KSR1: variants seen among roughly 807,000 people sequenced by gnomAD.
The protein encoded by KSR1 is kinase suppressor of ras.
Under a neutral mutation model 92.9 loss-of-function variants are expected in KSR1, and 35 were observed. The observed-to-expected ratio is 0.38, with a 90% confidence interval of 0.29 to 0.50. The LOEUF is 0.50. KSR1 is among the 20% of genes least tolerant of loss of function. KSR1 has a pLI of 0.94. For missense variants in KSR1, 972 were observed against 1,158.5 expected (o/e 0.84, Z 2.34); for synonymous variants, 467 against 472.6 (o/e 0.99, Z 0.15).
At chr17:27,569,830 A>T (rs895076278) in intron 2 of KSR1, among the ~76,000 whole-genome samples, 22 of 152,186 alleles carry the variant, frequency 1.4e-4, no homozygotes, top group African/African-American at 5.1e-4. Flanking sequence ...AAGTTTGCCT[A>T]TTCTCACACT....
At chr17:27,464,649 T>C (rs1466881257) in intron 1 of KSR1, among the ~76,000 whole-genome samples, 1 of 150,970 alleles carries the variant, frequency 6.6e-6, no homozygotes, top group Non-Finnish European at 1.5e-5. Context: ...GAGCCTGCAC[T>C]GAGCTGTGAT....
chr17:27,617,420 G>C lies in KSR1; in HGVS notation c.2619G>C (p.Lys873Asn). ...RRLSHPGHFWKSADRWRSRYY... is the reference protein window; with the variant it reads ...RRLSHPGHFWNSADRWRSRYY... Reference sequence around the variant, plus strand: ...TCTCCCACCCTGGACACTTCTGGAAGTCAGCTGAGTAAGTGCCTCTTCCAT... The same window carrying C: ...TCTCCCACCCTGGACACTTCTGGAACTCAGCTGAGTAAGTGCCTCTTCCAT... The change falls in exon 19 of 21, where the codon AAG becomes AAC. Residue 873 changes from lysine to asparagine, a missense_variant. Coordinates refer to ENST00000644974, the MANE Select transcript of KSR1 (RefSeq NM_001394583.1). The C allele has an allele frequency of 1.9e-6, 3 of 1,606,742 alleles. No individual in the cohort carries two copies. The highest frequency in any genetic ancestry group is 2.6e-6 in the Non-Finnish European group (3 of 1,174,320).
intron 1 of KSR1, among the ~76,000 whole-genome samples, chr17:27,505,148 C>A (rs754379798): frequency 1.3e-5 from 2 of 152,196 alleles, no homozygotes; most frequent in Non-Finnish European, 2.9e-5. Context: ...CTGACTATGG[C>A]CACGGGCTAT....
intron 1 of KSR1, among the ~76,000 whole-genome samples, chr17:27,503,516 A>G (rs1254702484): frequency 1.3e-5 from 2 of 152,246 alleles, no homozygotes; most frequent in African/African-American, 4.8e-5. Context: ...TGATCTAAAG[A>G]GAAGACAAAA....
At chr17:27,564,736 A>ACCCCCCCCCCCC (rs34194473) in intron 2 of KSR1, among the ~76,000 whole-genome samples, 3 of 101,384 alleles carry the variant, frequency 3.0e-5, no homozygotes, top group Non-Finnish European at 3.9e-5. Context: ...AAGATGGAAG[A>ACCCCCCCCCCCC]CCCCCCCCCC....
intron 4 of KSR1, among the ~76,000 whole-genome samples, chr17:27,585,174 G>A (rs1364228030): frequency 1.3e-5 from 2 of 152,120 alleles, no homozygotes; most frequent in Non-Finnish European, 2.9e-5. Context: ...TGACCTAGGT[G>A]ATCCACTCGT....
chr17:27,498,187 G>T lies in KSR1; in HGVS notation c.231+41313G>T, dbSNP rs549403605. ...TCTACTGAAAATACAAAATTTAGCC[G>T]AGTGTGGTGGCGGGCGCCTGTGGTC... On this transcript the variant is annotated intron_variant, in intron 1 of 20. Coordinates refer to ENST00000644974, the MANE Select transcript of KSR1 (RefSeq NM_001394583.1). Among the ~76,000 whole-genome samples, 45 of 152,018 alleles carry T rather than the reference G, an allele frequency of 3.0e-4. 2 individuals carry two copies. In the South Asian group the frequency reaches 8.9e-3, roughly 30 times the overall value.
chr17:27,552,274 A>T (rs149615011), intron 2 of KSR1, among the ~76,000 whole-genome samples: 1 of 152,184 alleles, frequency 6.6e-6, no homozygotes, highest in Admixed American at 6.5e-5. Flanking sequence ...GAGCACCATG[A>T]GACACGGCCT....
chr17:27,585,269 T>C (rs1185673675), intron 4 of KSR1, among the ~76,000 whole-genome samples: 1 of 152,134 alleles, frequency 6.6e-6, no homozygotes, highest in African/African-American at 2.4e-5. Flanking sequence ...CTTGCCTGGC[T>C]CTGGGCCAGG....
At chr17:27,486,113 C>G (rs934081213) in intron 1 of KSR1, among the ~76,000 whole-genome samples, 1 of 152,200 alleles carries the variant, frequency 6.6e-6, no homozygotes, top group Non-Finnish European at 1.5e-5. Context: ...TTTCTGGCCT[C>G]CAATACATGA....
chr17:27,525,333 CTG>C (rs2070216838), intron 1 of KSR1, among the ~76,000 whole-genome samples: 1 of 152,226 alleles, frequency 6.6e-6, no homozygotes, highest in Admixed American at 6.5e-5. Flanking sequence ...TGTGCTGTGT[CTG>C]TGCAGAGGAT....
chr17:27,592,279 G>A, intron 7 of KSR1, 82 bp from the exon 8 acceptor site: 1 of 1,071,198 alleles, frequency 9.3e-7, no homozygotes, highest in Non-Finnish European at 1.4e-6. Context: ...ACAGTCCTGA[G>A]TGAATGCTAC....
At chr17:27,528,292 C>T (rs2070394903) in intron 1 of KSR1, among the ~76,000 whole-genome samples, 1 of 152,280 alleles carries the variant, frequency 6.6e-6, no homozygotes, top group South Asian at 2.1e-4. Flanking sequence ...GTCTCAAACT[C>T]CTGACCTCAG....
chr17:27,495,276 A>G (rs1231632210), intron 1 of KSR1, among the ~76,000 whole-genome samples: 1 of 152,134 alleles, frequency 6.6e-6, no homozygotes, highest in Non-Finnish European at 1.5e-5. Flanking sequence ...CTGATCTCGC[A>G]CTTTCCTGGC....
chr17:27,484,021 G>A (rs1221639290), intron 1 of KSR1, among the ~76,000 whole-genome samples: 1 of 152,224 alleles, frequency 6.6e-6, no homozygotes, highest in Non-Finnish European at 1.5e-5. Context: ...TGGAGGGTGG[G>A]GAGCTGGGGA....
chr17:27,488,731 C>T (rs777816969), intron 1 of KSR1, among the ~76,000 whole-genome samples: 22 of 152,098 alleles, frequency 1.4e-4, no homozygotes, highest in African/African-American at 4.8e-4. Flanking sequence ...TTTGGGAGGC[C>T]GAGGCAGGTG....
chr17:27,553,596 G>C (rs2071482872), intron 2 of KSR1, among the ~76,000 whole-genome samples: 1 of 152,196 alleles, frequency 6.6e-6, no homozygotes, highest in Non-Finnish European at 1.5e-5. Flanking sequence ...GGAGGTACCT[G>C]GGCCTGGCAG....
rs538388479 is a variant in KSR1, at chr17:27,512,114, G to A, written c.232-38454G>A. Among the ~76,000 whole-genome samples the A allele has an allele frequency of 5.9e-5, 9 of 152,214 alleles. No homozygotes were observed. In the East Asian group the frequency reaches 1.7e-3, roughly 29 times the overall value. ...CTGGTGTGTCTCTAGCCTTTGTTTT[G>A]ATGACCCCAGCAAAATTCCCTGCTC... On this transcript the variant is annotated intron_variant, in intron 1 of 20. Coordinates refer to ENST00000644974, the MANE Select transcript of KSR1 (RefSeq NM_001394583.1).
chr17:27,562,610 C>T (rs538372353), intron 2 of KSR1, among the ~76,000 whole-genome samples: 1 of 152,350 alleles, frequency 6.6e-6, no homozygotes, highest in South Asian at 2.1e-4. Flanking sequence ...CCCTCCTCCT[C>T]CTAGGACCAC....
Sources: gnomAD v4.1 joint callset for allele counts (sites outside exome capture counted in the v4.1 genomes callset) on GRCh38, gnomAD v4.1.1 for gene constraint, MANE v1.5 for transcripts, NCBI Gene and HGNC (gene_info 2026-07-23, HGNC 2026-07-21) for gene names.